The following PAPPA2 variants were observed in gnomAD, a reference collection of about 807,000 sequenced individuals.
PAPPA2 encodes the protein pappalysin-2.
In PAPPA2, 86 loss-of-function variants were observed where a neutral mutation model predicts 176.4. The ratio of observed to expected loss-of-function variants is 0.49; its 90% CI spans 0.41 to 0.58. The LOEUF (loss-of-function observed/expected upper bound fraction) is 0.58, where lower values mean the gene tolerates loss of function less well. PAPPA2 is among the 20% of genes least tolerant of loss of function. The pLI, the probability that PAPPA2 is intolerant of heterozygous loss-of-function variation, is 0.00. For synonymous variants in PAPPA2, 809 were observed against 852.2 expected, an observed-to-expected ratio of 0.95 and a Z score of 0.88; for missense variants, 2,073 against 2,256.9, an observed-to-expected ratio of 0.92 and a Z score of 1.65.
intron 3 of PAPPA2, among the ~76,000 whole-genome samples, chr1:176,654,289 A>C (rs1038955984): frequency 1.6e-4 from 24 of 151,558 alleles, no homozygotes; most frequent in Non-Finnish European, 3.2e-4. Context: ...CCAACTTTCT[A>C]AGCAACATTT....
chr1:176,580,053 T>C (rs1652873210), intron 2 of PAPPA2, among the ~76,000 whole-genome samples: 1 of 152,180 alleles, frequency 6.6e-6, no homozygotes, highest in Non-Finnish European at 1.5e-5. Context: ...AAATATATCA[T>C]ATATTATTTT....
intron 3 of PAPPA2, among the ~76,000 whole-genome samples, chr1:176,623,746 C>A (rs1259414890): frequency 2.4e-5 from 2 of 82,006 alleles, no homozygotes; most frequent in Admixed American, 2.5e-4. Context: ...CTTTCTCTCT[C>A]TTTCCTTCCT....
At chr1:176,645,779 G>GT (rs1182429001) in intron 3 of PAPPA2, among the ~76,000 whole-genome samples, 3 of 151,552 alleles carry the variant, frequency 2.0e-5, no homozygotes, top group Admixed American at 6.6e-5. Flanking sequence ...TGATAAAGCC[G>GT]TTTTAGCTGG....
chr1:176,482,506 C>T (rs2102481404), intron 1 of PAPPA2, among the ~76,000 whole-genome samples: 1 of 152,238 alleles, frequency 6.6e-6, no homozygotes. Context: ...CATTAAATTC[C>T]AACGGGCATG....
intron 2 of PAPPA2, among the ~76,000 whole-genome samples, chr1:176,589,260 G>A (rs1354730025): frequency 6.6e-5 from 10 of 152,060 alleles, no homozygotes; most frequent in Non-Finnish European, 5.9e-5. Context: ...GAGGATAATT[G>A]ACTCTATCAA....
At chr1:176,532,977 G>A (rs1649894143) in intron 1 of PAPPA2, among the ~76,000 whole-genome samples, 1 of 152,190 alleles carries the variant, frequency 6.6e-6, no homozygotes, top group Admixed American at 6.5e-5. Flanking sequence ...TCACAGTGAG[G>A]CACATCAGGA....
Position 176,709,964 on chromosome 1 carries a change from A to C in PAPPA2, c.3458-19A>C. ...TTTATGAAAACACTTTTTCTGTGTCACACAATATTTCTTGGCAGGAGAGCC... is the reference window on the plus strand; with the variant it reads ...TTTATGAAAACACTTTTTCTGTGTCCCACAATATTTCTTGGCAGGAGAGCC... On this transcript the variant is annotated intron_variant, in intron 10 of 22. Coordinates refer to ENST00000367662, the MANE Select transcript of PAPPA2 (RefSeq NM_020318.3). The C allele has an allele frequency of 6.3e-7, 1 of 1,581,086 alleles. No individual in the cohort carries two copies. The highest frequency in any genetic ancestry group is 1.8e-5 in the Admixed American group (1 of 54,620).
chr1:176,598,758 T>C (rs983520777), intron 3 of PAPPA2, among the ~76,000 whole-genome samples: 3 of 152,208 alleles, frequency 2.0e-5, no homozygotes, highest in African/African-American at 7.2e-5. Context: ...TAGAGCTCTC[T>C]CTTCTAGTTA....
At chr1:176,764,003 C>T (rs1558568510) in intron 14 of PAPPA2, among the ~76,000 whole-genome samples, 3 of 152,144 alleles carry the variant, frequency 2.0e-5, no homozygotes, top group African/African-American at 7.2e-5. Flanking sequence ...CTGTGTCATA[C>T]ATGGCAGAAG....
chr1:176,680,837 A>C (rs948088833), intron 4 of PAPPA2, among the ~76,000 whole-genome samples: 10 of 152,208 alleles, frequency 6.6e-5, no homozygotes, highest in African/African-American at 2.4e-4. Flanking sequence ...TTATTGCTGT[A>C]ATGAGAAAAG....
At chr1:176,477,485 G>C (rs955565302) in intron 1 of PAPPA2, among the ~76,000 whole-genome samples, 1 of 152,060 alleles carries the variant, frequency 6.6e-6, no homozygotes, top group South Asian at 2.1e-4. Flanking sequence ...AGTGGCTCAC[G>C]CCTGTAATCC....
rs565916517 is a variant in PAPPA2, at chr1:176,645,909, G to A, written c.1992-25061G>A. On this transcript the variant is annotated intron_variant, in intron 3 of 22. Transcript: ENST00000367662. ...GCTTCTTTTGAGAAAGGTTTATTCC[G>A]GTTTTTTGCCCGATTTTAAATCGGA... Among the ~76,000 whole-genome samples, 12 of 151,414 alleles carry A rather than the reference G, an allele frequency of 7.9e-5. No individual in the cohort carries two copies. The South Asian group carries it at 1.0e-3, about 13-fold the overall frequency.
In PAPPA2 at chr1:176,793,614, C is replaced by G. The variant is rs1040072418; in HGVS notation, c.5075C>G (p.Pro1692Arg). Residue 1692 changes from proline to arginine, a missense_variant, in exon 20 of 23, where the codon CCT (proline) becomes CGT (arginine). By Grantham distance (103) the Pro-to-Arg change is moderately radical. Coordinates refer to ENST00000367662, the MANE Select transcript of PAPPA2 (RefSeq NM_020318.3). ...VIPPSDPVML[P>R]ENITADTLEH... ...CCCCCCAGTGACCCCGTGATGCTAC[C>G]TGAGAATATCACTGCTGACACTCTG... The G allele has an allele frequency of 1.9e-6, 3 of 1,613,168 alleles. No individual in the cohort carries two copies. The highest frequency in any genetic ancestry group is 2.5e-6 in the Non-Finnish European group (3 of 1,179,440).
chr1:176,637,754 G>A (rs1656807871), intron 3 of PAPPA2, among the ~76,000 whole-genome samples: 1 of 152,090 alleles, frequency 6.6e-6, no homozygotes, highest in Non-Finnish European at 1.5e-5. Flanking sequence ...ACTGGCTCTT[G>A]ATTCAATTGT....
chr1:176,615,484 T>C (rs1249365696), intron 3 of PAPPA2, among the ~76,000 whole-genome samples: 2 of 152,094 alleles, frequency 1.3e-5, no homozygotes, highest in Admixed American at 1.3e-4. Flanking sequence ...CTAATTTTTT[T>C]TTCTTTTTTC....
chr1:176,518,370 A>C (rs567261607), intron 1 of PAPPA2, among the ~76,000 whole-genome samples: 36 of 152,096 alleles, frequency 2.4e-4, no homozygotes, highest in Non-Finnish European at 4.4e-4. Context: ...GAGTTGATAA[A>C]GTCCATTCTG....
chr1:176,681,877 A>G (rs1659601096), intron 4 of PAPPA2, among the ~76,000 whole-genome samples: 1 of 152,224 alleles, frequency 6.6e-6, no homozygotes, highest in East Asian at 1.9e-4. Flanking sequence ...TGGGGAGGTG[A>G]GCGGTCTGTG....
intron 2 of PAPPA2, among the ~76,000 whole-genome samples, chr1:176,567,462 TG>T (rs1652055528): frequency 6.6e-6 from 1 of 152,238 alleles, no homozygotes; most frequent in Non-Finnish European, 1.5e-5. Context: ...ATCATTCAAG[TG>T]GTGACTCAGC....
chr1:176,492,198 A>C (rs901249577), intron 1 of PAPPA2, among the ~76,000 whole-genome samples: 7 of 152,202 alleles, frequency 4.6e-5, no homozygotes, highest in African/African-American at 1.7e-4. Context: ...TCTCCCTTGC[A>C]CAGCCATGCA....
Sources: gnomAD v4.1 joint callset for allele counts (sites outside exome capture counted in the v4.1 genomes callset) on GRCh38, gnomAD v4.1.1 for gene constraint, MANE v1.5 for transcripts, NCBI Gene and HGNC (gene_info 2026-07-23, HGNC 2026-07-21) for gene names.